The following RBFOX1 variants were observed in gnomAD, a reference collection of about 807,000 sequenced individuals.
RBFOX1 encodes RNA binding protein fox-1 homolog 1.
RBFOX1 carries 8 observed loss-of-function variants against 57.7 expected under a neutral mutation model. The ratio of observed to expected loss-of-function variants is 0.14; its 90% CI spans 0.08 to 0.25. The LOEUF (loss-of-function observed/expected upper bound fraction) is 0.25, where lower values mean the gene tolerates loss of function less well. RBFOX1 is among the 10% of genes least tolerant of loss of function. The probability of loss-of-function intolerance (pLI) is 1.00; values close to 1 mark genes in which losing one functional copy is unlikely to be tolerated. For missense variants in RBFOX1, 611 were observed against 548.5 expected (o/e 1.11, Z -1.14); for synonymous variants, 326 against 222.4 (o/e 1.47, Z -4.15).
At chr16:6,244,301 C>T (rs1598748142) in intron 1 of RBFOX1, among the ~76,000 whole-genome samples, 1 of 151,948 alleles carries the variant, frequency 6.6e-6, no homozygotes, top group African/African-American at 2.4e-5. Context: ...GTTTGGCGGT[C>T]AAGGCCTTTG....
intron 2 of RBFOX1, among the ~76,000 whole-genome samples, chr16:6,572,600 C>CT (rs1216544776): frequency 0.037 from 5,494 of 146,586 alleles, 291 homozygotes; most frequent in African/African-American, 0.12. Flanking sequence ...CCTTCTCTGT[C>CT]TTTTTTTTTT....
chr16:7,094,984 A>C (rs543046872), intron 4 of RBFOX1, among the ~76,000 whole-genome samples: 2 of 152,322 alleles, frequency 1.3e-5, no homozygotes, highest in Admixed American at 1.3e-4. Context: ...CATCAAAGGT[A>C]AACATCAATT....
intron 4 of RBFOX1, among the ~76,000 whole-genome samples, chr16:7,388,624 C>T (rs2097924248): frequency 7.0e-6 from 1 of 142,908 alleles, no homozygotes; most frequent in Non-Finnish European, 1.5e-5. Context: ...CAGTCCCCAA[C>T]TTAAAAGTGG....
rs534082616 is a variant in RBFOX1 at position 5,883,484 on chromosome 16, T to G, written c.351+16149T>G. 6.6e-5 allele frequency among the ~76,000 whole-genome samples: 10 copies of G among 151,266 alleles called. No homozygotes were observed. In the East Asian group the frequency reaches 1.6e-3, roughly 24 times the overall value. On this transcript the variant is annotated intron_variant, in intron 4 of 19. Transcript: ENST00000641259. ...CATCTTACCATATTGGTAAGTAAACTGTCTCGGAGGAACCTGCAATCCCAG... is the reference window on the plus strand; with the variant it reads ...CATCTTACCATATTGGTAAGTAAACGGTCTCGGAGGAACCTGCAATCCCAG...
At chr16:5,602,032 G>T (rs1256609038), downstream of RBFOX1, among the ~76,000 whole-genome samples, 5 of 152,230 alleles carry the variant, frequency 3.3e-5, no homozygotes, top group Admixed American at 3.3e-4. Context: ...GATTCAGGCT[G>T]TGAGGATCCA....
chr16:5,495,959 C>G (rs1202508152), intron 2 of RBFOX1, among the ~76,000 whole-genome samples: 1 of 152,146 alleles, frequency 6.6e-6, no homozygotes, highest in Non-Finnish European at 1.5e-5. Context: ...AACCCTGTCT[C>G]TACTAAAAAT....
At chr16:6,849,293 C>G (rs770335057) in intron 3 of RBFOX1, among the ~76,000 whole-genome samples, 1 of 152,158 alleles carries the variant, frequency 6.6e-6, no homozygotes, top group Non-Finnish European at 1.5e-5. Context: ...ATATTCTGCT[C>G]ATTGGCAAAA....
intron 3 of RBFOX1, among the ~76,000 whole-genome samples, chr16:6,980,062 C>T (rs759051635): frequency 3.4e-4 from 52 of 152,098 alleles, no homozygotes; most frequent in Non-Finnish European, 5.3e-4. Context: ...GATATATAAC[C>T]GCATGGCACC....
At chr16:7,591,255 T>C (rs2094431017) in intron 7 of RBFOX1, among the ~76,000 whole-genome samples, 2 of 152,154 alleles carry the variant, frequency 1.3e-5, no homozygotes, top group South Asian at 4.1e-4. Context: ...CATAGTCCCA[T>C]CGGAAAATGA....
chr16:6,815,313 G>A lies in RBFOX1; in HGVS notation c.-16+160663G>A, dbSNP rs184056639. ...TTGCTATTTTATTTTCTAGGTCTTT[G>A]TGCCCCGTATTGTGTGCTGAACTCC... On this transcript the variant is annotated intron_variant, in intron 3 of 15. Coordinates refer to ENST00000550418, the MANE Select transcript of RBFOX1 (RefSeq NM_018723.4). Among the ~76,000 whole-genome samples the A allele has an allele frequency of 4.6e-5, 7 of 152,154 alleles. No homozygotes were observed. The East Asian group carries it at 1.4e-3, about 30-fold the overall frequency.
At chr16:6,375,559 C>G (rs1450263817) in intron 2 of RBFOX1, among the ~76,000 whole-genome samples, 4 of 152,066 alleles carry the variant, frequency 2.6e-5, no homozygotes, top group African/African-American at 9.7e-5. Flanking sequence ...TTTGAAAATA[C>G]TCTAGGAAAA....
intron 2 of RBFOX1, among the ~76,000 whole-genome samples, chr16:5,564,674 C>T (rs144363087): frequency 2.6e-5 from 4 of 152,166 alleles, no homozygotes; most frequent in Non-Finnish European, 5.9e-5. Flanking sequence ...GACTTGGAAC[C>T]TCTCCAGGCT....
chr16:6,408,895 G>A (rs989677897), intron 2 of RBFOX1, among the ~76,000 whole-genome samples: 2 of 152,120 alleles, frequency 1.3e-5, no homozygotes, highest in Non-Finnish European at 2.9e-5. Flanking sequence ...AGCTCTTCAT[G>A]TAATTAATCA....
chr16:7,696,669 A>C lies in RBFOX1; in HGVS notation c.996-12387A>C, dbSNP rs59651725. On this transcript the variant is annotated intron_variant, in intron 14 of 15. Coordinates refer to ENST00000550418, the MANE Select transcript of RBFOX1 (RefSeq NM_018723.4). ...AAAGACCTTCATGGTATGGGAGAACAGATCCCAAAGCACGTATATGAATAA... is the reference window on the plus strand; with the variant it reads ...AAAGACCTTCATGGTATGGGAGAACCGATCCCAAAGCACGTATATGAATAA... Among the ~76,000 whole-genome samples the C allele has an allele frequency of 2.2e-3, 338 of 152,326 alleles. 1 individual carries two copies. Among genetic ancestry groups the C allele is most frequent in the African/African-American group, 8.0e-3 (332 of 41,568 alleles).
At chr16:5,449,575 A>C (rs1372997764) in intron 1 of RBFOX1, among the ~76,000 whole-genome samples, 1 of 152,156 alleles carries the variant, frequency 6.6e-6, no homozygotes, top group Non-Finnish European at 1.5e-5. Context: ...TGTGCAGTCT[A>C]ATATTGACTT....
chr16:6,321,330 T>C (rs528327914), intron 2 of RBFOX1, among the ~76,000 whole-genome samples: 1 of 152,284 alleles, frequency 6.6e-6, no homozygotes, highest in African/African-American at 2.4e-5. Context: ...GCCTTATAAA[T>C]ACAGGGGCTA....
At chr16:7,359,304 A>G (rs192268065) in intron 4 of RBFOX1, among the ~76,000 whole-genome samples, 54 of 152,348 alleles carry the variant, frequency 3.5e-4, no homozygotes, top group Admixed American at 2.9e-3. Flanking sequence ...GCATGTAGCT[A>G]CATAGCATAT....
chr16:5,577,284 C>T (rs1023592342), intron 2 of RBFOX1, among the ~76,000 whole-genome samples: 8 of 152,210 alleles, frequency 5.3e-5, no homozygotes, highest in Non-Finnish European at 1.2e-4. Context: ...GTCTGATTGG[C>T]TCTGTAACTA....
chr16:6,823,089 G>A (rs557719729), intron 3 of RBFOX1, among the ~76,000 whole-genome samples: 43 of 152,194 alleles, frequency 2.8e-4, no homozygotes, highest in African/African-American at 1.0e-3. Flanking sequence ...TTACAGATGG[G>A]AGACTGAGCA....
Sources: allele counts gnomAD v4.1 joint callset (sites outside exome capture counted in the v4.1 genomes callset), GRCh38; gene constraint gnomAD v4.1.1; transcripts MANE v1.5; gene names NCBI Gene and HGNC (gene_info 2026-07-23, HGNC 2026-07-21).